Variants in KAT8 observed in about 807,000 individuals in gnomAD.
The protein encoded by KAT8 is lysine acetyltransferase 8.
Under a neutral mutation model 62.9 loss-of-function variants are expected in KAT8, and 40 were observed. The ratio of observed to expected loss-of-function variants is 0.64; its 90% CI spans 0.49 to 0.83. The LOEUF (loss-of-function observed/expected upper bound fraction) is 0.83, where lower values mean the gene tolerates loss of function less well. KAT8 is among the 40% of genes least tolerant of loss of function. KAT8 has a pLI of 0.00. For synonymous variants in KAT8, 278 were observed against 254.5 expected (o/e 1.09, Z -0.88); for missense variants, 387 against 614.8 (o/e 0.63, Z 3.92).
intron 6 of KAT8, among the ~76,000 whole-genome samples, chr16:31,129,122 G>A (rs948884026): frequency 6.6e-6 from 1 of 152,220 alleles, no homozygotes; most frequent in Non-Finnish European, 1.5e-5. Flanking sequence ...ACCTAGTTGT[G>A]TTGTTAGTGG....
intron 10 of KAT8, 22 bp from the exon 11 acceptor site, chr16:31,131,173 C>T (rs763203979): frequency 2.5e-6 from 4 of 1,613,462 alleles, no homozygotes; most frequent in Non-Finnish European, 3.4e-6. Flanking sequence ...CCAGCCCTGC[C>T]TCCCGCCCCT....
intron 3 of KAT8, chr16:31,120,791 C>CTTA: frequency 2.6e-6 from 1 of 385,952 alleles, no homozygotes; most frequent in Non-Finnish European, 4.7e-6. Flanking sequence ...CTCCTAGTAG[C>CTTA]TGTGTCTTAG....
intron 5 of KAT8, 110 bp downstream of exon 5, chr16:31,127,463 A>C (rs987534129): frequency 8.7e-7 from 1 of 1,143,652 alleles, no homozygotes; most frequent in Non-Finnish European, 1.3e-6. Context: ...AGACAGGCCC[A>C]AAGGAGCGAG....
chr16:31,130,320 C>G lies in KAT8; in HGVS notation c.966C>G (p.Pro322=). ...NNVACILTLP[P]YQRRGYGKFL... is the part of the protein sequence containing the mutation. ...TGGCCTGCATCCTGACCTTGCCCCCCTACCAACGCCGCGGCTACGGGAAGT... is the reference window on the plus strand; with the variant it reads ...TGGCCTGCATCCTGACCTTGCCCCCGTACCAACGCCGCGGCTACGGGAAGT... The change falls in exon 8 of 11, where the codon CCC becomes CCG. Residue 322 remains proline (P), a synonymous_variant. Coordinates refer to ENST00000219797, the MANE Select transcript of KAT8 (RefSeq NM_032188.3). 3 of 1,614,210 alleles carry G rather than the reference C, an allele frequency of 1.9e-6. No homozygotes were observed. The highest frequency in any genetic ancestry group is 2.5e-6 in the Non-Finnish European group (3 of 1,180,020).
At position 31,130,036 on chromosome 16, in the gene KAT8, G is replaced by A; in HGVS notation, c.791G>A (p.Cys264Tyr). The change falls in exon 7 of 11, where the codon TGT becomes TAT. Residue 264 changes from cysteine (C) to tyrosine (Y), a missense_variant. This residue lies in a region of KAT8 where 141 missense variants were observed against 222.5 expected (regional missense o/e 0.63). Transcript: ENST00000219797. ...KDHKIYCQNL[C>Y]LLAKLFLDHK... ...CCCTAGATTTACTGTCAGAACCTGT[G>A]TCTGCTGGCCAAGCTTTTCCTGGAC... is the stretch of plus-strand genomic sequence containing the variant. The A allele has an allele frequency of 6.2e-7, 1 of 1,614,200 alleles. No homozygotes were observed. Among genetic ancestry groups the A allele is most frequent in the Non-Finnish European group, 8.5e-7 (1 of 1,180,042 alleles).
At chr16:31,124,650 T>G (rs1460764340) in intron 3 of KAT8, among the ~76,000 whole-genome samples, 1 of 151,016 alleles carries the variant, frequency 6.6e-6, no homozygotes, top group East Asian at 1.9e-4. Context: ...GGAGAATCGC[T>G]TGAACCCAGG....
In KAT8 at chr16:31,128,074, C is replaced by T. The variant is rs1567436595; in HGVS notation, c.706C>T (p.Pro236Ser). ...HLGQCQWRQP[P>S]GKEIYRKSNI... ...GGGTCAGTGCCAGTGGCGGCAGCCC[C>T]CCGGGAAAGAGATCTACCGCAAGAG... Residue 236 changes from proline (P) to serine (S), a missense_variant, in exon 6 of 11, where the codon CCC (proline) becomes TCC (serine). Coordinates refer to ENST00000219797, the MANE Select transcript of KAT8 (RefSeq NM_032188.3). 6.2e-7 allele frequency: 1 copy of T among 1,613,908 alleles called. No homozygotes were observed. Among genetic ancestry groups the T allele is most frequent in the Non-Finnish European group, 8.5e-7 (1 of 1,179,946 alleles).
In KAT8 at chr16:31,128,135, A is replaced by G. The variant is rs1302040869; in HGVS notation, c.767A>G (p.His256Arg). The change falls in exon 6 of 11, where the codon CAT (histidine) becomes CGT (arginine). Residue 256 changes from histidine to arginine, a missense_variant. Coordinates refer to ENST00000219797, the MANE Select transcript of KAT8 (RefSeq NM_032188.3). ...GTGTACGAAGTTGATGGCAAAGACC[A>G]TAAGGTGAGTGGGTGGCCAGGGGTT... ...ISVYEVDGKD[H>R]KIYCQNLCLL... The G allele has an allele frequency of 2.5e-6, 4 of 1,613,594 alleles. No homozygotes were observed. The highest frequency in any genetic ancestry group is 3.4e-6 in the Non-Finnish European group (4 of 1,179,642).
intron 6 of KAT8, among the ~76,000 whole-genome samples, chr16:31,129,732 CT>C (rs1157130040): frequency 6.6e-6 from 1 of 152,232 alleles, no homozygotes; most frequent in Admixed American, 6.5e-5. Flanking sequence ...GAGTTAATGT[CT>C]GTGAAGACTG....
rs138128169 is a variant in KAT8 at position 31,130,056 on chromosome 16, C to T, written c.811C>T (p.Leu271=). The T allele has an allele frequency of 1.3e-4, 202 of 1,614,034 alleles. No homozygotes were observed. Among genetic ancestry groups the T allele is most frequent in the Non-Finnish European group, 1.7e-4 (196 of 1,180,028 alleles). ...CCTGTGTCTGCTGGCCAAGCTTTTC[C>T]TGGACCATAAGACACTGTACTTTGA... is the stretch of plus-strand genomic sequence containing the variant. ...QNLCLLAKLF[L]DHKTLYFDVE... Residue 271 remains leucine (L), a synonymous_variant, in exon 7 of 11, where the codon CTG becomes TTG. Transcript: ENST00000219797.
At chr16:31,119,721 C>T (rs1321616091) in intron 1 of KAT8, among the ~76,000 whole-genome samples, 1 of 152,076 alleles carries the variant, frequency 6.6e-6, no homozygotes, top group African/African-American at 2.4e-5. Flanking sequence ...TCACTGCAAC[C>T]TCTGCCTCCC....
chr16:31,123,460 C>T (rs955810384), intron 3 of KAT8, among the ~76,000 whole-genome samples: 3 of 152,200 alleles, frequency 2.0e-5, no homozygotes, highest in Admixed American at 6.5e-5. Flanking sequence ...CCGCCTGCCT[C>T]GGCCTCCCAA....
intron 3 of KAT8, among the ~76,000 whole-genome samples, chr16:31,121,662 T>C (rs2057494582): frequency 6.6e-6 from 1 of 152,210 alleles, no homozygotes; most frequent in African/African-American, 2.4e-5. Flanking sequence ...TCTTCCTGCC[T>C]TAGCCTTCTA....
rs975179843 is a variant in KAT8, at chr16:31,129,396, T to G, written c.772-621T>G. 2.0e-5 allele frequency among the ~76,000 whole-genome samples: 3 copies of G among 152,194 alleles called. 1 individual carries two copies. The highest frequency in any genetic ancestry group is 2.0e-4 in the Admixed American group (3 of 15,278). ...AGCTTTGAGGCTCTGGGCAAGCACT[T>G]CCACTCTGGGAGCTTCAGCTTCCTC... On this transcript the variant is annotated intron_variant, in intron 6 of 10. Coordinates refer to ENST00000219797, the MANE Select transcript of KAT8 (RefSeq NM_032188.3).
At chr16:31,121,703 TA>T (rs1179319515) in intron 3 of KAT8, among the ~76,000 whole-genome samples, 1 of 152,142 alleles carries the variant, frequency 6.6e-6, no homozygotes, top group African/African-American at 2.4e-5. Context: ...TGCATCCCTG[TA>T]CCTGCCTTGG....
chr16:31,120,649 C>T (rs996455350), intron 3 of KAT8, 135 bp downstream of exon 3: 20 of 774,886 alleles, frequency 2.6e-5, no homozygotes, highest in Non-Finnish European at 3.6e-5. Flanking sequence ...GGGACTTTAC[C>T]TACTTCCTCT....
chr16:31,130,135 A>G lies in KAT8; in HGVS notation c.890A>G (p.His297Arg). 2.1e-6 allele frequency: 3 copies of G among 1,434,286 alleles called. No individual in the cohort carries two copies. The highest frequency in any genetic ancestry group is 3.4e-5 in the East Asian group (1 of 29,554). The allele number at this position is 1,434,286 out of a possible 1,614,324, so 88.8% of individuals were successfully genotyped here. Residue 297 changes from histidine to arginine, a missense_variant, in exon 7 of 11, where the codon CAC becomes CGC. Around this residue, in one of 6 missense-constraint regions of KAT8, gnomAD observed 141 missense variants for 222.5 expected, o/e 0.63. Coordinates refer to ENST00000219797, the MANE Select transcript of KAT8 (RefSeq NM_032188.3). ...ACTGAGGTGGACCGGCAGGGGGCCC[A>G]CATTGTTGGCTACTTCTCCAAGGTG... ...ILTEVDRQGA[H>R]IVGYFSKEKE...
rs530359253 is a variant in KAT8 at position 31,120,152 on chromosome 16, C to CGTAA, written c.212-34_212-33insGTAA. The CGTAA allele has an allele frequency of 3.5e-3, 5,565 of 1,588,470 alleles. 14 individuals are homozygous for CGTAA. The highest frequency in any genetic ancestry group is 4.2e-3 in the Non-Finnish European group (4,814 of 1,156,706). On this transcript the variant is annotated intron_variant, in intron 1 of 10. Transcript: ENST00000219797. ...CAGGATTCCTTTTGTTCCAGCCTTACCTTCCTGATGACCCTAGCCTTTTTC... is the reference window on the plus strand; with the variant it reads ...CAGGATTCCTTTTGTTCCAGCCTTACGTAACTTCCTGATGACCCTAGCCTTTTTC...
rs751450090 is a variant in KAT8 at position 31,117,888 on chromosome 16, C to T, written c.207C>T (p.Thr69=). Residue 69 remains threonine (T), a synonymous_variant, in exon 1 of 11, where the codon ACC becomes ACT. Transcript: ENST00000219797. ...ETYLCRRPDS[T]WHSAEVIQSR... ...ACCTGTGCCGGCGACCGGATAGCACCTGGCGTGAGGGCGGGGCCCAGGGCT... is the reference window on the plus strand; with the variant it reads ...ACCTGTGCCGGCGACCGGATAGCACTTGGCGTGAGGGCGGGGCCCAGGGCT... 5 of 1,294,742 alleles carry T rather than the reference C, an allele frequency of 3.9e-6. No homozygotes were observed. The highest frequency in any genetic ancestry group is 7.8e-5 in the Admixed American group (2 of 25,624). The allele number at this position is 1,294,742 out of a possible 1,614,324, so 80.2% of individuals were successfully genotyped here. A position where few individuals can be genotyped will look rare whatever the true frequency, so the allele number is the denominator to read the frequency against.
Sources: allele counts gnomAD v4.1 joint callset (sites outside exome capture counted in the v4.1 genomes callset), GRCh38; gene constraint gnomAD v4.1.1; regional missense constraint gnomAD v4.1.1; transcripts MANE v1.5; gene names NCBI Gene and HGNC (gene_info 2026-07-23, HGNC 2026-07-21).